PDE7B: variants seen among roughly 807,000 people sequenced by gnomAD.
PDE7B encodes phosphodiesterase 7B.
In PDE7B, 29 loss-of-function variants were observed where a neutral mutation model predicts 56.2. The observed-to-expected ratio is 0.52, with a 90% confidence interval of 0.38 to 0.70. PDE7B has a LOEUF of 0.70. PDE7B is among the 30% of genes least tolerant of loss of function. PDE7B has a pLI of 0.00. For missense variants in PDE7B, 490 were observed against 565.0 expected (o/e 0.87, Z 1.35); for synonymous variants, 197 against 196.9 (o/e 1.00, Z 0.00).
chr6:135,972,023 T>C (rs1255195608), intron 2 of PDE7B, among the ~76,000 whole-genome samples: 2 of 151,374 alleles, frequency 1.3e-5, no homozygotes, highest in South Asian at 2.1e-4. Flanking sequence ...TCACCTGAGG[T>C]TGGGAGTTCA....
intron 2 of PDE7B, among the ~76,000 whole-genome samples, chr6:136,018,953 TC>T (rs1776024491): frequency 6.6e-6 from 1 of 151,908 alleles, no homozygotes; most frequent in Non-Finnish European, 1.5e-5. Flanking sequence ...TGACTGGGCT[TC>T]CCCCTTCCCT....
intron 2 of PDE7B, among the ~76,000 whole-genome samples, chr6:136,081,155 A>T (rs1299127199): frequency 1.3e-5 from 2 of 152,170 alleles, no homozygotes; most frequent in Admixed American, 6.5e-5. Context: ...GGTTTTTAAC[A>T]TGGAATGATG....
At chr6:135,980,118 G>A (rs1775269114) in intron 2 of PDE7B, among the ~76,000 whole-genome samples, 2 of 152,092 alleles carry the variant, frequency 1.3e-5, no homozygotes, top group South Asian at 2.1e-4. Context: ...ACAGAACAGA[G>A]CCCTCAGAAA....
At chr6:136,044,969 T>C (rs897181066) in intron 2 of PDE7B, 7 of 151,406 alleles carry the variant, frequency 4.6e-5, no homozygotes, top group South Asian at 2.1e-4. Context: ...CTGGTTCAAC[T>C]GGACAGAAAA....
chr6:135,960,735 C>A (rs1449971385), intron 2 of PDE7B, among the ~76,000 whole-genome samples: 1 of 152,170 alleles, frequency 6.6e-6, no homozygotes, highest in Non-Finnish European at 1.5e-5. Context: ...CGTACCGCCT[C>A]CTAGACATTA....
At chr6:136,120,086 C>T (rs1777905573) in intron 3 of PDE7B, among the ~76,000 whole-genome samples, 1 of 152,084 alleles carries the variant, frequency 6.6e-6, no homozygotes, top group Non-Finnish European at 1.5e-5. Context: ...GCTTAGAGTG[C>T]TAGTGTAATA....
chr6:136,027,340 G>T (rs1776169588), intron 2 of PDE7B, among the ~76,000 whole-genome samples: 1 of 152,140 alleles, frequency 6.6e-6, no homozygotes, highest in Non-Finnish European at 1.5e-5. Context: ...CTTTTCTTAA[G>T]CTCCCAGTTT....
At chr6:136,042,637 G>T (rs1776432228) in intron 2 of PDE7B, among the ~76,000 whole-genome samples, 1 of 152,112 alleles carries the variant, frequency 6.6e-6, no homozygotes, top group Non-Finnish European at 1.5e-5. Flanking sequence ...TTTTCTTTAT[G>T]CTCAGACCTG....
At position 135,893,175 on chromosome 6, in the gene PDE7B, G is replaced by A. The variant is rs377708011; in HGVS notation, c.21+41156G>A. Among the ~76,000 whole-genome samples the A allele has an allele frequency of 9.1e-4, 137 of 151,308 alleles. 1 individual carries two copies. Among genetic ancestry groups the A allele is most frequent in the African/African-American group, 2.9e-3 (118 of 41,214 alleles). ...GTTGGTGTGCTGCACCCATTAACTCGTCATTTAACATTAGGTATATTTCCT... is the reference window on the plus strand; with the variant it reads ...GTTGGTGTGCTGCACCCATTAACTCATCATTTAACATTAGGTATATTTCCT... On this transcript the variant is annotated intron_variant, in intron 1 of 12. Coordinates refer to ENST00000308191, the MANE Select transcript of PDE7B (RefSeq NM_018945.4).
intron 7 of PDE7B, among the ~76,000 whole-genome samples, chr6:136,154,684 CA>C (rs1778577618): frequency 6.6e-6 from 1 of 152,208 alleles, no homozygotes; most frequent in Non-Finnish European, 1.5e-5. Context: ...TCTTAGCAAG[CA>C]TGTTCTGATG....
At chr6:136,065,577 G>A (rs550789766) in intron 2 of PDE7B, among the ~76,000 whole-genome samples, 33 of 152,094 alleles carry the variant, frequency 2.2e-4, no homozygotes, top group Admixed American at 2.1e-3. Context: ...GCTTAAAATC[G>A]GCTCACCCCT....
chr6:135,889,645 T>A (rs1775773653), intron 1 of PDE7B, among the ~76,000 whole-genome samples: 1 of 147,036 alleles, frequency 6.8e-6, no homozygotes, highest in African/African-American at 2.5e-5. Flanking sequence ...TTTGCCTTGT[T>A]GGTCAGGCTG....
chr6:136,046,054 G>A (rs981068675), intron 2 of PDE7B, among the ~76,000 whole-genome samples: 2 of 151,822 alleles, frequency 1.3e-5, no homozygotes, highest in Non-Finnish European at 2.9e-5. Context: ...AAACCTGCAG[G>A]ACATTACATT....
intron 2 of PDE7B, among the ~76,000 whole-genome samples, chr6:136,048,234 A>G (rs541007553): frequency 1.3e-5 from 2 of 152,284 alleles, no homozygotes; most frequent in African/African-American, 4.8e-5. Flanking sequence ...TCAAGAAAGG[A>G]GATGATGGGC....
In PDE7B at chr6:135,973,330, T is replaced by C. The variant is rs1775126817; in HGVS notation, c.82+25806T>C. ...GAATTTCCTTTTGAAGGCAGAATAG[T>C]ATTCCATTGTATGCGTCTACCATAT... On this transcript the variant is annotated intron_variant, in intron 2 of 12. Transcript: ENST00000308191. 2.0e-5 allele frequency among the ~76,000 whole-genome samples: 3 copies of C among 152,116 alleles called. No homozygotes were observed. The South Asian group carries it at 6.2e-4, about 31-fold the overall frequency.
intron 2 of PDE7B, among the ~76,000 whole-genome samples, chr6:135,970,452 GGCCAGT>G (rs377511410): frequency 3.2e-4 from 46 of 144,692 alleles, no homozygotes; most frequent in African/African-American, 1.1e-3. Flanking sequence ...GTGGGGTCTA[GGCCAGT>G]GCTTCTGAAA....
At chr6:136,138,840 T>G (rs1051094716) in intron 3 of PDE7B, among the ~76,000 whole-genome samples, 1 of 152,098 alleles carries the variant, frequency 6.6e-6, no homozygotes, top group Non-Finnish European at 1.5e-5. Context: ...TGATGACCAA[T>G]TCATTCAAAA....
chr6:136,092,574 A>T (rs1777406538), intron 2 of PDE7B, among the ~76,000 whole-genome samples: 1 of 152,182 alleles, frequency 6.6e-6, no homozygotes, highest in African/African-American at 2.4e-5. Flanking sequence ...CAGCCTGGCC[A>T]ACATGGTGAA....
chr6:136,105,293 C>T (rs965876351), intron 2 of PDE7B, among the ~76,000 whole-genome samples: 22 of 152,174 alleles, frequency 1.4e-4, no homozygotes, highest in African/African-American at 5.3e-4. Context: ...TCAAAGCATA[C>T]ATTACGTAAG....
Sources: gnomAD v4.1 joint callset for allele counts (sites outside exome capture counted in the v4.1 genomes callset) on GRCh38, gnomAD v4.1.1 for gene constraint, MANE v1.5 for transcripts, NCBI Gene and HGNC (gene_info 2026-07-23, HGNC 2026-07-21) for gene names.